The following OSMR variants were observed in gnomAD, a reference collection of about 807,000 sequenced individuals.
The protein encoded by OSMR is oncostatin-M-specific receptor subunit beta.
Under a neutral mutation model 99.9 loss-of-function variants are expected in OSMR, and 81 were observed. That is an observed-to-expected ratio of 0.81 (90% CI 0.68 to 0.97). OSMR has a LOEUF of 0.97. OSMR is among the 50% of genes least tolerant of loss of function. The pLI is 0.00. For missense variants in OSMR, 1,099 were observed against 1,153.4 expected, an observed-to-expected ratio of 0.95 and a Z score of 0.68; for synonymous variants, 406 against 410.4, an observed-to-expected ratio of 0.99 and a Z score of 0.13.
At chr5:38,851,994 C>T (rs895742226) in intron 1 of OSMR, among the ~76,000 whole-genome samples, 5 of 152,236 alleles carry the variant, frequency 3.3e-5, no homozygotes, top group Non-Finnish European at 7.3e-5. Flanking sequence ...CCACGTGGAA[C>T]TGTGAGTCCA....
At chr5:38,899,391 A>G (rs1744746109) in intron 7 of OSMR, among the ~76,000 whole-genome samples, 1 of 152,126 alleles carries the variant, frequency 6.6e-6, no homozygotes, top group Non-Finnish European at 1.5e-5. Context: ...GCCTGGAATC[A>G]GAGACCCCAA....
At chr5:38,909,392 T>C (rs1745434154) in intron 9 of OSMR, among the ~76,000 whole-genome samples, 2 of 152,102 alleles carry the variant, frequency 1.3e-5, no homozygotes, top group African/African-American at 2.4e-5. Context: ...CTATACAAGA[T>C]GACCATCCCA....
chr5:38,904,222 A>G (rs538906057), intron 8 of OSMR, 131 bp from the exon 9 acceptor site: 130 of 1,533,990 alleles, frequency 8.5e-5, no homozygotes, highest in Non-Finnish European at 1.1e-4. Flanking sequence ...TTTCCCCCCA[A>G]AGAAGAACTG....
chr5:38,909,243 T>C (rs919784339), intron 9 of OSMR, among the ~76,000 whole-genome samples: 14 of 152,136 alleles, frequency 9.2e-5, no homozygotes, highest in African/African-American at 3.1e-4. Flanking sequence ...CAGCCACTCA[T>C]TGGTGTTCTT....
chr5:38,894,286 T>C (rs1321077506), intron 7 of OSMR, among the ~76,000 whole-genome samples: 2 of 151,890 alleles, frequency 1.3e-5, no homozygotes, highest in Non-Finnish European at 2.9e-5. Flanking sequence ...TACAACCAGC[T>C]AACAACTTCA....
At chr5:38,866,411 T>C (rs1741948557) in intron 1 of OSMR, among the ~76,000 whole-genome samples, 1 of 152,162 alleles carries the variant, frequency 6.6e-6, no homozygotes, top group Non-Finnish European at 1.5e-5. Context: ...TTGCTGTCAG[T>C]GACAGTGACC....
chr5:38,871,571 C>T (rs1742391910), intron 2 of OSMR, among the ~76,000 whole-genome samples: 1 of 152,202 alleles, frequency 6.6e-6, no homozygotes. Context: ...TTAATTTCTC[C>T]AATCAACGAG....
chr5:38,890,775 T>C (rs1225633706), intron 7 of OSMR, among the ~76,000 whole-genome samples: 11 of 152,204 alleles, frequency 7.2e-5, no homozygotes. Context: ...GGAGCCTCTA[T>C]ATACCAGCAT....
At position 38,909,870 on chromosome 5, in the gene OSMR, C is replaced by T. The variant is rs969393496; in HGVS notation, c.1285+5367C>T. Among the ~76,000 whole-genome samples, 10 of 152,316 alleles carry T rather than the reference C, an allele frequency of 6.6e-5. No individual in the cohort carries two copies. The South Asian group carries it at 1.4e-3, about 22-fold the overall frequency. ...AGACAATGACAGGATCAAATCCACA[C>T]ATACCAGTATTAAACTTGAATGCGC... On this transcript the variant is annotated intron_variant, in intron 9 of 17. Transcript: ENST00000274276.
intron 7 of OSMR, among the ~76,000 whole-genome samples, chr5:38,894,558 A>G (rs1374687310): frequency 3.4e-5 from 5 of 148,490 alleles, no homozygotes; most frequent in Non-Finnish European, 7.4e-5. Flanking sequence ...TATATCAGGT[A>G]AAACAGACTT....
intron 1 of OSMR, among the ~76,000 whole-genome samples, chr5:38,867,141 T>C (rs1412347762): frequency 1.3e-5 from 2 of 152,194 alleles, no homozygotes; most frequent in African/African-American, 4.8e-5. Context: ...TTTGAAGTTT[T>C]AAGTAGAGAT....
rs370428919 is a variant in OSMR at position 38,903,836 on chromosome 5, G to T, written c.992-46G>T. ...AACTGCCTATTACCAATGTCTTTTTGGATCTATGCTTGAATTTTTTTGTTT... is the reference window on the plus strand; with the variant it reads ...AACTGCCTATTACCAATGTCTTTTTTGATCTATGCTTGAATTTTTTTGTTT... On this transcript the variant is annotated intron_variant, in intron 7 of 17. Transcript: ENST00000274276. 45 of 1,582,594 alleles carry T rather than the reference G, an allele frequency of 2.8e-5. No homozygotes were observed. In the African/African-American group the frequency reaches 4.7e-4, roughly 17 times the overall value.
intron 2 of OSMR, 111 bp from the exon 3 acceptor site, chr5:38,876,090 G>T: frequency 1.3e-6 from 2 of 1,486,922 alleles, no homozygotes; most frequent in South Asian, 1.3e-5. Flanking sequence ...ATGCACATAT[G>T]AGCAATATTT....
At chr5:38,880,843 G>A (rs1743226128) in intron 3 of OSMR, among the ~76,000 whole-genome samples, 1 of 152,194 alleles carries the variant, frequency 6.6e-6, no homozygotes, top group Admixed American at 6.5e-5. Flanking sequence ...ATTAGAGAAT[G>A]GAAATGCCAG....
chr5:38,896,841 T>G (rs1744552614), intron 7 of OSMR, among the ~76,000 whole-genome samples: 1 of 151,910 alleles, frequency 6.6e-6, no homozygotes, highest in African/African-American at 2.4e-5. Context: ...GTTTTTTTTT[T>G]AGTGCTTTTA....
intron 1 of OSMR, among the ~76,000 whole-genome samples, chr5:38,852,157 C>T (rs9292722): frequency 0.25 from 37,772 of 152,098 alleles, 4,977 homozygotes; most frequent in South Asian, 0.42. Context: ...CATGTTGTTC[C>T]TTTGTAGAAA....
chr5:38,880,247 A>C (rs1579690753), intron 3 of OSMR, among the ~76,000 whole-genome samples: 1 of 152,156 alleles, frequency 6.6e-6, no homozygotes, highest in East Asian at 1.9e-4. Context: ...GCAGTGTGTG[A>C]CATGTGACTT....
intron 1 of OSMR, among the ~76,000 whole-genome samples, chr5:38,866,151 G>A (rs1402005546): frequency 6.6e-6 from 1 of 152,132 alleles, no homozygotes; most frequent in Non-Finnish European, 1.5e-5. Context: ...CAATTCCCAG[G>A]CCCCCGCTTC....
chr5:38,921,804 A>G lies in OSMR; in HGVS notation c.1765+10A>G. The stretch of plus-strand genomic sequence containing the variant: ...ACAGTCATTAGCACAGGTAAGAAGA[A>G]GCTTCCATATCATCGCATTGCTATA... On this transcript the variant is annotated intron_variant, in intron 12 of 17. Coordinates refer to ENST00000274276, the MANE Select transcript of OSMR (RefSeq NM_003999.3). The G allele has an allele frequency of 6.2e-7, 1 of 1,604,732 alleles. No individual in the cohort carries two copies. The highest frequency in any genetic ancestry group is 8.5e-7 in the Non-Finnish European group (1 of 1,171,438).
Sources: allele counts gnomAD v4.1 joint callset (sites outside exome capture counted in the v4.1 genomes callset), GRCh38; gene constraint gnomAD v4.1.1; transcripts MANE v1.5; gene names NCBI Gene and HGNC (gene_info 2026-07-23, HGNC 2026-07-21).